The following PHF20 variants were observed in gnomAD, a reference collection of about 807,000 sequenced individuals.
PHF20 encodes glioma-expressed antigen 2.
In PHF20, 23 loss-of-function variants were observed where a neutral mutation model predicts 113.5. The observed-to-expected ratio is 0.20, with a 90% CI of 0.15 to 0.29. The LOEUF (loss-of-function observed/expected upper bound fraction) is 0.29. PHF20 is among the 10% of genes least tolerant of loss of function. The pLI is 1.00. For synonymous variants in PHF20, 434 were observed against 457.3 expected, an observed-to-expected ratio of 0.95 and a Z score of 0.65; for missense variants, 943 against 1,219.6, an observed-to-expected ratio of 0.77 and a Z score of 3.38.
chr20:35,813,783 G>T (rs1038167752), intron 2 of PHF20, among the ~76,000 whole-genome samples: 1 of 151,882 alleles, frequency 6.6e-6, no homozygotes, highest in African/African-American at 2.4e-5. Flanking sequence ...GTTTGAGCCT[G>T]GGAGGTGGAG....
chr20:35,869,843 A>T (rs1600851429), intron 7 of PHF20, among the ~76,000 whole-genome samples: 1 of 152,292 alleles, frequency 6.6e-6, no homozygotes, highest in East Asian at 1.9e-4. Context: ...GATGGGTTTC[A>T]TATGCAGAGT....
intron 1 of PHF20, among the ~76,000 whole-genome samples, chr20:35,797,507 C>T (rs1230658236): frequency 1.4e-5 from 2 of 144,952 alleles, no homozygotes; most frequent in African/African-American, 5.1e-5. Flanking sequence ...GAGTGAGACC[C>T]TGTCTCAAAA....
intron 2 of PHF20, among the ~76,000 whole-genome samples, chr20:35,813,296 C>T (rs1162225285): frequency 6.6e-6 from 1 of 152,092 alleles, no homozygotes; most frequent in African/African-American, 2.4e-5. Flanking sequence ...TTAAAGTGCA[C>T]TTAGGAATAA....
chr20:35,917,449 T>C (rs1169322217), intron 12 of PHF20, 35 bp from the exon 13 acceptor site: 2 of 1,573,530 alleles, frequency 1.3e-6, no homozygotes, highest in Non-Finnish European at 1.7e-6. Flanking sequence ...TTTTATAACC[T>C]AAAATAGTAA....
chr20:35,806,516 A>G (rs1417029077), intron 2 of PHF20, among the ~76,000 whole-genome samples: 1 of 152,074 alleles, frequency 6.6e-6, no homozygotes, highest in Non-Finnish European at 1.5e-5. Flanking sequence ...ATGAACTTGT[A>G]TCTAATTATT....
intron 2 of PHF20, among the ~76,000 whole-genome samples, chr20:35,820,853 T>C (rs1033049310): frequency 6.6e-6 from 1 of 152,022 alleles, no homozygotes; most frequent in African/African-American, 2.4e-5. Context: ...GACATTTAAA[T>C]AGAGTCCTAA....
chr20:35,876,484 T>C (rs2054523923), intron 9 of PHF20, among the ~76,000 whole-genome samples: 1 of 151,198 alleles, frequency 6.6e-6, no homozygotes, highest in African/African-American at 2.4e-5. Context: ...GGCAGGAGAG[T>C]TGCTTGAACC....
rs556175505 is a variant in PHF20 at position 35,906,128 on chromosome 20, C to T, written c.1561+6480C>T. Among the ~76,000 whole-genome samples the T allele has an allele frequency of 5.9e-5, 9 of 152,284 alleles. 1 individual carries two copies. In the South Asian group the frequency reaches 1.0e-3, roughly 18 times the overall value. On this transcript the variant is annotated intron_variant, in intron 10 of 17. Transcript: ENST00000374012. ...TACTTATTGCTACATCTGTTTGAGT[C>T]GTGCTCTCACCCTGGGTAAACCTCA...
chr20:35,782,023 C>T (rs1478816557), intron 1 of PHF20, among the ~76,000 whole-genome samples: 1 of 152,130 alleles, frequency 6.6e-6, no homozygotes, highest in African/African-American at 2.4e-5. Flanking sequence ...CCAGCCCCAG[C>T]AGCTACCATT....
intron 9 of PHF20, among the ~76,000 whole-genome samples, chr20:35,883,007 G>A (rs1159135231): frequency 1.4e-5 from 2 of 145,142 alleles, no homozygotes; most frequent in African/African-American, 2.6e-5. Flanking sequence ...CAGCCTGGGT[G>A]ACAGAACGAC....
In PHF20 at chr20:35,842,603, C is replaced by T. The variant is rs779477634; in HGVS notation, c.114C>T (p.Tyr38=). 67 of 1,613,174 alleles carry T rather than the reference C, an allele frequency of 4.2e-5. No homozygotes were observed. The highest frequency in any genetic ancestry group is 1.6e-4 in the Middle Eastern group (1 of 6,082). The change falls in exon 3 of 18, where the codon TAC becomes TAT. Residue 38 remains tyrosine, a synonymous_variant. Coordinates refer to ENST00000374012, the MANE Select transcript of PHF20 (RefSeq NM_016436.5). ...WYPAHIEDID[Y]EEGKVLIHFK... ...CAGCTCACATAGAAGACATTGACTACGAGGAAGGAAAAGTACTCATCCATT... is the reference window on the plus strand; with the variant it reads ...CAGCTCACATAGAAGACATTGACTATGAGGAAGGAAAAGTACTCATCCATT...
chr20:35,906,425 G>A (rs1600912485), intron 10 of PHF20, among the ~76,000 whole-genome samples: 1 of 152,064 alleles, frequency 6.6e-6, no homozygotes, highest in Non-Finnish European at 1.5e-5. Flanking sequence ...GAAGGTCCCC[G>A]GGCCTTGCTT....
At chr20:35,907,754 CAAGCATGTGGTCAATTTTAGAT>C (rs1365032289) in intron 10 of PHF20, among the ~76,000 whole-genome samples, 1 of 152,112 alleles carries the variant, frequency 6.6e-6, no homozygotes, top group Non-Finnish European at 1.5e-5. Flanking sequence ...GGTTTATGGC[CAAGCATGTGGTCAATTTTAGAT>C]TATTTGCCAT....
intron 1 of PHF20, among the ~76,000 whole-genome samples, chr20:35,780,727 T>C (rs1055338414): frequency 2.0e-5 from 3 of 150,902 alleles, no homozygotes; most frequent in African/African-American, 4.9e-5. Context: ...TTTATATTTT[T>C]AGTAGAGACG....
In PHF20 at chr20:35,804,527, C is replaced by T. The variant is rs368063759; in HGVS notation, c.83+2922C>T. Among the ~76,000 whole-genome samples, 26 of 152,124 alleles carry T rather than the reference C, an allele frequency of 1.7e-4. No homozygotes were observed. In the East Asian group the frequency reaches 3.7e-3, roughly 22 times the overall value. ...CTGGGATTACAGGCGTGAGCCACCG[C>T]GCCCAGCCTAATTTATGTACTTTTA... On this transcript the variant is annotated intron_variant, in intron 2 of 17. Coordinates refer to ENST00000374012, the MANE Select transcript of PHF20 (RefSeq NM_016436.5).
intron 2 of PHF20, among the ~76,000 whole-genome samples, chr20:35,816,710 C>G (rs1442021587): frequency 6.6e-6 from 1 of 151,870 alleles, no homozygotes; most frequent in Non-Finnish European, 1.5e-5. Context: ...CCTCAGCCTC[C>G]GAAAGTGCTG....
At chr20:35,812,487 T>G (rs77779232) in intron 2 of PHF20, among the ~76,000 whole-genome samples, 7,287 of 152,278 alleles carry the variant, frequency 0.048, 215 homozygotes, top group African/African-American at 0.089. Flanking sequence ...CGAACAGTTG[T>G]TTTTTAGAAT....
chr20:35,915,510 C>T (rs561407741), intron 12 of PHF20, among the ~76,000 whole-genome samples: 1 of 152,064 alleles, frequency 6.6e-6, no homozygotes, highest in East Asian at 1.9e-4. Flanking sequence ...TCTCAACCTC[C>T]CAAGTTGCTG....
intron 5 of PHF20, among the ~76,000 whole-genome samples, chr20:35,862,348 A>T (rs1221465936): frequency 6.6e-6 from 1 of 152,234 alleles, no homozygotes; most frequent in East Asian, 1.9e-4. Flanking sequence ...GCCTCTGAAA[A>T]GCTCTGGGTC....
Sources: gnomAD v4.1 joint callset for allele counts (sites outside exome capture counted in the v4.1 genomes callset) on GRCh38, gnomAD v4.1.1 for gene constraint, MANE v1.5 for transcripts, NCBI Gene and HGNC (gene_info 2026-07-23, HGNC 2026-07-21) for gene names.